The following HHAT variants were observed in gnomAD, a reference collection of about 807,000 sequenced individuals.
HHAT encodes protein-cysteine N-palmitoyltransferase HHAT.
In HHAT, 47 loss-of-function variants were observed where a neutral mutation model predicts 70.8. The ratio of observed to expected loss-of-function variants is 0.66; its 90% CI spans 0.53 to 0.85. HHAT has a LOEUF of 0.85. Among genes scored for constraint, HHAT ranks in the 40% least tolerant of loss-of-function variants. HHAT has a pLI of 0.00. For synonymous variants in HHAT, 228 were observed against 247.6 expected (o/e 0.92, Z 0.74); for missense variants, 609 against 604.8 (o/e 1.01, Z -0.07).
At chr1:210,568,474 G>C (rs933911521) in intron 9 of HHAT, among the ~76,000 whole-genome samples, 1 of 152,214 alleles carries the variant, frequency 6.6e-6, no homozygotes, top group Admixed American at 6.5e-5. Flanking sequence ...AGGGTGTCCA[G>C]GTTGTTGGCA....
At chr1:210,497,982 CTTG>C (rs2094683163) in intron 8 of HHAT, among the ~76,000 whole-genome samples, 1 of 152,046 alleles carries the variant, frequency 6.6e-6, no homozygotes, top group South Asian at 2.1e-4. Context: ...GTCTCGATCT[CTTG>C]ACCTTGTGAT....
chr1:210,440,203 A>G (rs1439265760), intron 7 of HHAT, among the ~76,000 whole-genome samples: 2 of 151,696 alleles, frequency 1.3e-5, no homozygotes, highest in African/African-American at 4.9e-5. Context: ...TAGTAGTTGT[A>G]AGTTGGGTTC....
rs373077927 is a variant in HHAT at position 210,397,742 on chromosome 1, G to A, written c.274-2726G>A. Among the ~76,000 whole-genome samples, 20 of 152,266 alleles carry A rather than the reference G, an allele frequency of 1.3e-4. No homozygotes were observed. The East Asian group carries it at 3.3e-3, about 25-fold the overall frequency. On this transcript the variant is annotated intron_variant, in intron 4 of 11. Coordinates refer to ENST00000261458, the MANE Select transcript of HHAT (RefSeq NM_018194.6). ...TGCTGATGAAACTGGCCTTTGAAAT[G>A]CTTAGAAAAAGCTCTTCTGCTGCCC...
rs977825518 is a variant in HHAT at position 210,633,284 on chromosome 1, A to G, written c.1390+9614A>G. 9.2e-5 allele frequency among the ~76,000 whole-genome samples: 14 copies of G among 152,244 alleles called. No individual in the cohort carries two copies. The South Asian group carries it at 1.4e-3, about 16-fold the overall frequency. On this transcript the variant is annotated intron_variant, in intron 11 of 11. Coordinates refer to ENST00000261458, the MANE Select transcript of HHAT (RefSeq NM_018194.6). ...CACTTCAAATGTTCAGGTCCACATGATGGTTAGACTTTGCTGTCTGGGCAT... is the reference window on the plus strand; with the variant it reads ...CACTTCAAATGTTCAGGTCCACATGGTGGTTAGACTTTGCTGTCTGGGCAT...
At chr1:210,497,766 A>ATT (rs574819096) in intron 8 of HHAT, among the ~76,000 whole-genome samples, 23 of 135,330 alleles carry the variant, frequency 1.7e-4, no homozygotes, top group African/African-American at 2.2e-4. Flanking sequence ...GCTGACTCTA[A>ATT]TTTTTTTTTT....
At chr1:210,570,486 G>A (rs1655994692) in intron 9 of HHAT, among the ~76,000 whole-genome samples, 1 of 152,184 alleles carries the variant, frequency 6.6e-6, no homozygotes, top group Non-Finnish European at 1.5e-5. Context: ...GAGAGATGCT[G>A]GAAAGAACAC....
intron 6 of HHAT, among the ~76,000 whole-genome samples, chr1:210,408,947 G>A (rs1388602628): frequency 6.6e-6 from 1 of 152,090 alleles, no homozygotes; most frequent in Non-Finnish European, 1.5e-5. Flanking sequence ...CTGTAGCTTT[G>A]GCCTCCCGAG....
chr1:210,560,684 C>G (rs2095613220), intron 9 of HHAT, among the ~76,000 whole-genome samples: 1 of 151,130 alleles, frequency 6.6e-6, no homozygotes, highest in African/African-American at 2.4e-5. Flanking sequence ...ATGGCAGCAC[C>G]TGTAGTCCCA....
chr1:210,621,254 G>T (rs774958174), intron 10 of HHAT, among the ~76,000 whole-genome samples: 3 of 152,078 alleles, frequency 2.0e-5, no homozygotes, highest in African/African-American at 4.8e-5. Context: ...GGTAGTTGAC[G>T]TTAACAAAGG....
At chr1:210,402,262 G>T (rs754750434) in intron 5 of HHAT, among the ~76,000 whole-genome samples, 4 of 152,218 alleles carry the variant, frequency 2.6e-5, no homozygotes, top group African/African-American at 7.2e-5. Flanking sequence ...CAGCCTGAGA[G>T]TTGCGCAGCT....
At chr1:210,416,218 C>T (rs1297233460) in intron 6 of HHAT, among the ~76,000 whole-genome samples, 2 of 152,228 alleles carry the variant, frequency 1.3e-5, no homozygotes, top group Non-Finnish European at 2.9e-5. Context: ...CTCCTGGCTG[C>T]AGAGGGTCCC....
At chr1:210,463,630 A>G (rs187994788) in intron 7 of HHAT, among the ~76,000 whole-genome samples, 10 of 152,274 alleles carry the variant, frequency 6.6e-5, no homozygotes, top group South Asian at 2.1e-4. Context: ...TTGTGTGAAC[A>G]TATGTTTTGT....
At chr1:210,560,816 A>T (rs1160242359) in intron 9 of HHAT, among the ~76,000 whole-genome samples, 1 of 20,886 alleles carries the variant, frequency 4.8e-5, no homozygotes, top group South Asian at 1.9e-3. Flanking sequence ...CTGTGTCTTA[A>T]AAAAAAAAAA....
intron 11 of HHAT, among the ~76,000 whole-genome samples, chr1:210,636,844 A>G (rs528307647): frequency 1.1e-4 from 17 of 152,284 alleles, no homozygotes; most frequent in Non-Finnish European, 2.1e-4. Flanking sequence ...GTGAATTCAT[A>G]TTGAATTGCT....
rs187567728 is a variant in HHAT, at chr1:210,438,442, C to T, written c.856+20117C>T. On this transcript the variant is annotated intron_variant, in intron 7 of 11. Transcript: ENST00000261458. ...TTATGGATGAGTGGCATAAGGTAGA[C>T]CAACTTGTCCTTTACTTGTGTCTTG... 8.6e-5 allele frequency among the ~76,000 whole-genome samples: 13 copies of T among 151,916 alleles called. 1 individual carries two copies. The highest frequency in any genetic ancestry group is 3.2e-4 in the African/African-American group (13 of 41,192).
At chr1:210,447,646 G>A (rs138333346) in intron 7 of HHAT, among the ~76,000 whole-genome samples, 9 of 152,350 alleles carry the variant, frequency 5.9e-5, no homozygotes, top group Middle Eastern at 3.4e-3. Flanking sequence ...GAATATCCCT[G>A]TGGAGGAGAC....
intron 1 of HHAT, among the ~76,000 whole-genome samples, chr1:210,345,284 AAATG>A (rs1473536119): frequency 6.6e-6 from 1 of 152,156 alleles, no homozygotes; most frequent in African/African-American, 2.4e-5. Flanking sequence ...GTGGGGTGGA[AAATG>A]AATGAATGAA....
intron 11 of HHAT, among the ~76,000 whole-genome samples, chr1:210,638,298 G>A (rs1213552994): frequency 6.6e-6 from 1 of 152,128 alleles, no homozygotes; most frequent in Non-Finnish European, 1.5e-5. Flanking sequence ...CCAAACATCT[G>A]TCAAATGATA....
intron 3 of HHAT, among the ~76,000 whole-genome samples, chr1:210,380,137 GTATC>G (rs1323013884): frequency 2.0e-5 from 3 of 152,120 alleles, no homozygotes; most frequent in Admixed American, 2.0e-4. Flanking sequence ...TTTTTATTGA[GTATC>G]TAATATATTC....
Sources: gnomAD v4.1 joint callset for allele counts (sites outside exome capture counted in the v4.1 genomes callset) on GRCh38, gnomAD v4.1.1 for gene constraint, MANE v1.5 for transcripts, NCBI Gene and HGNC (gene_info 2026-07-23, HGNC 2026-07-21) for gene names.